Variants in KCNIP4 observed in about 807,000 individuals in gnomAD.
The protein encoded by KCNIP4 is Kv channel-interacting protein 4.
A neutral mutation model predicts 34.0 loss-of-function variants in KCNIP4; 12 were observed. The observed-to-expected ratio is 0.35, with a 90% CI of 0.23 to 0.57. KCNIP4 has a LOEUF of 0.57. Among genes scored for constraint, KCNIP4 ranks in the 20% least tolerant of loss-of-function variants. The probability of loss-of-function intolerance (pLI) is 0.83; values close to 1 mark genes in which losing one functional copy is unlikely to be tolerated. For missense variants in KCNIP4, 238 were observed against 311.7 expected (o/e 0.76, Z 1.78); for synonymous variants, 124 against 102.2 (o/e 1.21, Z -1.29).
rs76148117 is a variant in KCNIP4 at position 21,285,685 on chromosome 4, C to A, written c.62-402976G>T. Among the ~76,000 whole-genome samples, 353 of 150,138 alleles carry A rather than the reference C, an allele frequency of 2.4e-3. 4 individuals are homozygous for A. Among genetic ancestry groups the A allele is most frequent in the East Asian group, 0.019 (99 of 5,102 alleles). On this transcript the variant is annotated intron_variant, in intron 1 of 8. Coordinates refer to ENST00000382152, the MANE Select transcript of KCNIP4 (RefSeq NM_025221.6). ...CTCTACTAAAAATCCAAAAACAAAACAAAAAAAAAGCCAGGCATGGTAGTA... is the reference window on the plus strand; with the variant it reads ...CTCTACTAAAAATCCAAAAACAAAAAAAAAAAAAAGCCAGGCATGGTAGTA...
intron 1 of KCNIP4, among the ~76,000 whole-genome samples, chr4:21,049,888 C>T (rs1215594811): frequency 6.6e-6 from 1 of 152,214 alleles, no homozygotes; most frequent in Non-Finnish European, 1.5e-5. Flanking sequence ...AAAACCCAAT[C>T]TTTCACTTTA....
intron 1 of KCNIP4, among the ~76,000 whole-genome samples, chr4:21,605,624 G>A (rs1743583788): frequency 6.6e-6 from 1 of 152,018 alleles, no homozygotes; most frequent in Non-Finnish European, 1.5e-5. Context: ...GGTACTACAG[G>A]TGCCCGCCAC....
At chr4:21,899,972 A>AT (rs773757889) in intron 1 of KCNIP4, among the ~76,000 whole-genome samples, 1 of 147,262 alleles carries the variant, frequency 6.8e-6, no homozygotes, top group African/African-American at 2.4e-5. Context: ...ACAAATGAAA[A>AT]TTAAAAAAAA....
At chr4:21,750,524 A>C (rs1437433077) in intron 1 of KCNIP4, among the ~76,000 whole-genome samples, 1 of 152,142 alleles carries the variant, frequency 6.6e-6, no homozygotes, top group Non-Finnish European at 1.5e-5. Flanking sequence ...TGATGGTTTG[A>C]CTAACAAGTA....
At chr4:21,556,935 A>AAAAAAAAAACAAAAAAAAACAAAAC (rs1553903116) in intron 1 of KCNIP4, among the ~76,000 whole-genome samples, 1 of 149,144 alleles carries the variant, frequency 6.7e-6, no homozygotes. Context: ...AAAAAAAAAA[A>AAAAAAAAAACAAAAAAAAACAAAAC]AAAAAAAACC....
chr4:21,287,970 A>T (rs1763220116), intron 1 of KCNIP4, among the ~76,000 whole-genome samples: 2 of 152,206 alleles, frequency 1.3e-5, no homozygotes, highest in African/African-American at 4.8e-5. Flanking sequence ...ATTCATAGAC[A>T]TTTGATGAGC....
intron 1 of KCNIP4, among the ~76,000 whole-genome samples, chr4:21,008,991 T>C (rs1438459915): frequency 6.6e-6 from 1 of 151,776 alleles, no homozygotes; most frequent in African/African-American, 2.4e-5. Flanking sequence ...CTTATGTATT[T>C]TGCAAGCTAA....
At chr4:21,633,918 T>G (rs531713910) in intron 1 of KCNIP4, among the ~76,000 whole-genome samples, 1 of 152,214 alleles carries the variant, frequency 6.6e-6, no homozygotes, top group African/African-American at 2.4e-5. Context: ...ATATTTCGGT[T>G]ATTAGAAAAT....
intron 1 of KCNIP4, among the ~76,000 whole-genome samples, chr4:21,238,972 C>G (rs1759585535): frequency 6.6e-6 from 1 of 152,122 alleles, no homozygotes; most frequent in Admixed American, 6.6e-5. Flanking sequence ...TGACTTCAAA[C>G]TATACTACAA....
At chr4:21,108,161 T>A (rs143661027) in intron 1 of KCNIP4, among the ~76,000 whole-genome samples, 1 of 151,354 alleles carries the variant, frequency 6.6e-6, no homozygotes. Context: ...TTGCTAGATT[T>A]GGGAAGTTCT....
intron 1 of KCNIP4, among the ~76,000 whole-genome samples, chr4:21,887,751 T>C (rs986688344): frequency 3.9e-5 from 6 of 152,164 alleles, no homozygotes; most frequent in Non-Finnish European, 5.9e-5. Context: ...GATGAGGTTA[T>C]ATAACTGAAA....
At chr4:21,627,876 A>G (rs1745447610) in intron 1 of KCNIP4, among the ~76,000 whole-genome samples, 1 of 152,160 alleles carries the variant, frequency 6.6e-6, no homozygotes, top group Non-Finnish European at 1.5e-5. Flanking sequence ...GTGCGGTTAT[A>G]TTATGAAAGT....
chr4:21,131,034 A>C (rs1230076132), intron 1 of KCNIP4, among the ~76,000 whole-genome samples: 1 of 152,152 alleles, frequency 6.6e-6, no homozygotes, highest in Non-Finnish European at 1.5e-5. Flanking sequence ...CTAGTTGAAA[A>C]ATCCTAAATT....
chr4:21,843,349 G>A (rs946924297), intron 1 of KCNIP4: 1 of 151,970 alleles, frequency 6.6e-6, no homozygotes, highest in Admixed American at 6.6e-5. Context: ...TTGCAGATGA[G>A]GAAACCAAGG....
At chr4:21,578,000 G>A (rs1354262854) in intron 1 of KCNIP4, among the ~76,000 whole-genome samples, 1 of 152,076 alleles carries the variant, frequency 6.6e-6, no homozygotes, top group Non-Finnish European at 1.5e-5. Context: ...TTAGAAGCAA[G>A]AAAAACTAAA....
At chr4:21,009,550 T>C (rs933224521) in intron 1 of KCNIP4, among the ~76,000 whole-genome samples, 1 of 152,222 alleles carries the variant, frequency 6.6e-6, no homozygotes, top group African/African-American at 2.4e-5. Context: ...GCCTGTCTCA[T>C]GATTTCCTTG....
intron 3 of KCNIP4, among the ~76,000 whole-genome samples, chr4:20,823,348 C>T (rs547999490): frequency 1.3e-5 from 2 of 152,044 alleles, no homozygotes; most frequent in East Asian, 3.9e-4. Context: ...GGATAGGGAG[C>T]CATTGAAGAA....
chr4:21,808,384 G>A (rs961889329), intron 1 of KCNIP4, among the ~76,000 whole-genome samples: 1 of 152,064 alleles, frequency 6.6e-6, no homozygotes. Context: ...TGAGAATGAA[G>A]ACCTCTATTA....
intron 1 of KCNIP4, among the ~76,000 whole-genome samples, chr4:21,234,818 T>C (rs1182402812): frequency 5.3e-5 from 8 of 151,730 alleles, no homozygotes; most frequent in Non-Finnish European, 1.0e-4. Context: ...CAGCTAATTT[T>C]TGTATTTTTA....
Sources: gnomAD v4.1 joint callset for allele counts (sites outside exome capture counted in the v4.1 genomes callset) on GRCh38, gnomAD v4.1.1 for gene constraint, MANE v1.5 for transcripts, NCBI Gene and HGNC (gene_info 2026-07-23, HGNC 2026-07-21) for gene names.